Variants in ATP11B observed in about 807,000 individuals in gnomAD.
ATP11B encodes the protein ATPase phospholipid transporting 11B (putative).
ATP11B carries 81 observed loss-of-function variants against 157.8 expected under a neutral mutation model. The observed-to-expected ratio is 0.51, with a 90% CI of 0.43 to 0.62. ATP11B has a LOEUF of 0.62. ATP11B is among the 20% of genes least tolerant of loss of function. ATP11B has a pLI of 0.00. For missense variants in ATP11B, 1,165 were observed against 1,402.2 expected, an observed-to-expected ratio of 0.83 and a Z score of 2.70; for synonymous variants, 451 against 469.4, an observed-to-expected ratio of 0.96 and a Z score of 0.51.
rs768063345 is a variant in ATP11B at position 182,880,999 on chromosome 3, A to T, written c.2509+18A>T. Reference sequence around the variant, plus strand: ...TGGCATAGGTGATTGATTCTTCCTGAAAAGTTTTTCCTGAACTTTTAAAGT... The same window carrying T: ...TGGCATAGGTGATTGATTCTTCCTGTAAAGTTTTTCCTGAACTTTTAAAGT... On this transcript the variant is annotated intron_variant, in intron 21 of 29. Transcript: ENST00000323116. 1 of 1,552,782 alleles carries T rather than the reference A, an allele frequency of 6.4e-7. No individual in the cohort carries two copies. Among genetic ancestry groups the T allele is most frequent in the Non-Finnish European group, 8.7e-7 (1 of 1,151,510 alleles).
chr3:182,874,069 C>G, intron 19 of ATP11B, 54 bp downstream of exon 19: 2 of 1,511,780 alleles, frequency 1.3e-6, no homozygotes, highest in Non-Finnish European at 1.8e-6. Flanking sequence ...AACTATGGTT[C>G]CCTGGGCCCG....
chr3:182,840,330 G>A (rs1293716252), intron 7 of ATP11B, among the ~76,000 whole-genome samples: 2 of 152,020 alleles, frequency 1.3e-5, no homozygotes, highest in Non-Finnish European at 2.9e-5. Context: ...CTTCCTGTTA[G>A]AGTGCCCCAG....
At chr3:182,836,221 A>T in intron 5 of ATP11B, 79 bp downstream of exon 5, 1 of 1,559,642 alleles carries the variant, frequency 6.4e-7, no homozygotes, top group Non-Finnish European at 8.8e-7. Context: ...ATTACGTTTT[A>T]GTTAAAAGCC....
In ATP11B at chr3:182,886,059, G is replaced by A. The variant is rs765549981; in HGVS notation, c.2715+49G>A. ...TTGTGTTTTGTCCTTTTAGAGTAAC[G>A]TATGTATGTTCAGATTTTGATAGAC... On this transcript the variant is annotated intron_variant, in intron 23 of 29. Transcript: ENST00000323116. 16 of 1,239,042 alleles carry A rather than the reference G, an allele frequency of 1.3e-5. No individual in the cohort carries two copies. In the East Asian group the frequency reaches 3.1e-4, roughly 24 times the overall value. The allele number at this position is 1,239,042 out of a possible 1,614,324, so 76.8% of individuals were successfully genotyped here. A position where few individuals can be genotyped will look rare whatever the true frequency, so the allele number is the denominator to read the frequency against.
chr3:182,835,960 G>A, intron 4 of ATP11B, 75 bp from the exon 5 acceptor site: 1 of 1,299,344 alleles, frequency 7.7e-7, no homozygotes, highest in East Asian at 2.5e-5. Flanking sequence ...AAGTTTTTGA[G>A]TTTTTTTTCT....
At chr3:182,846,609 G>T (rs1209581502) in intron 9 of ATP11B, among the ~76,000 whole-genome samples, 1 of 152,102 alleles carries the variant, frequency 6.6e-6, no homozygotes, top group East Asian at 1.9e-4. Context: ...GCAAAATATG[G>T]TATATCCATA....
intron 12 of ATP11B, among the ~76,000 whole-genome samples, chr3:182,864,230 T>G (rs1346078879): frequency 6.6e-6 from 1 of 152,142 alleles, no homozygotes; most frequent in Non-Finnish European, 1.5e-5. Context: ...CCTCTTGTTT[T>G]CCAATCATGT....
intron 2 of ATP11B, among the ~76,000 whole-genome samples, chr3:182,821,150 C>A (rs1218204580): frequency 6.6e-6 from 1 of 152,054 alleles, no homozygotes; most frequent in Non-Finnish European, 1.5e-5. Flanking sequence ...CGCTGTGTCA[C>A]CCAGGCTGGA....
rs1241945306 is a variant in ATP11B at position 182,868,926 on chromosome 3, A to G, written c.1689-152A>G. ...TCTTCTATTTCTTCCCTGTTTTGTTATTAATGGCATGTAACCTATCATCAT... is the reference window on the plus strand; with the variant it reads ...TCTTCTATTTCTTCCCTGTTTTGTTGTTAATGGCATGTAACCTATCATCAT... On this transcript the variant is annotated intron_variant, in intron 15 of 29. Coordinates refer to ENST00000323116, the MANE Select transcript of ATP11B (RefSeq NM_014616.3). 7.2e-6 allele frequency: 4 copies of G among 552,118 alleles called. No homozygotes were observed. In the African/African-American group the frequency reaches 7.8e-5, roughly 11 times the overall value. 34.2% of individuals were successfully genotyped at this position (552,118 alleles called of 1,614,324 possible).
rs749720577 is a variant in ATP11B, at chr3:182,845,468, C to T, written c.715C>T (p.Pro239Ser). Residue 239 changes from proline (P) to serine (S), a missense_variant, in exon 9 of 30, where the codon CCG becomes TCG. Coordinates refer to ENST00000323116, the MANE Select transcript of ATP11B (RefSeq NM_014616.3). ...QMEEIVRPLG[P>S]ESLLLRGARL... Reference sequence around the variant, plus strand: ...TTCTTTTTTTCCTAGACCTCTGGGGCCGGAGAGTCTCCTGCTTCGTGGAGC... The same window carrying T: ...TTCTTTTTTTCCTAGACCTCTGGGGTCGGAGAGTCTCCTGCTTCGTGGAGC... 1.6e-5 allele frequency: 26 copies of T among 1,598,832 alleles called. No homozygotes were observed. Among genetic ancestry groups the T allele is most frequent in the East Asian group, 4.5e-5 (2 of 44,218 alleles).
Position 182,879,567 on chromosome 3 carries a change from A to T in ATP11B, c.2324A>T (p.Glu775Val). The change falls in exon 20 of 30, where the codon GAG becomes GTG. Residue 775 changes from glutamate to valine, a missense_variant. Around this residue, in one of 4 missense-constraint regions of ATP11B, gnomAD observed 737 missense variants for 930.5 expected, o/e 0.79. Coordinates refer to ENST00000323116, the MANE Select transcript of ATP11B (RefSeq NM_014616.3). Reference protein sequence around the residue: ...DGTSLSLALREHEKLFMEVCR... With the variant: ...DGTSLSLALRVHEKLFMEVCR... ...ACCAGCCTATCTCTTGCACTCAGGG[A>T]GCATGAAAAACTATTTATGGAAGTT... 1 of 1,614,110 alleles carries T rather than the reference A, an allele frequency of 6.2e-7. No individual in the cohort carries two copies. Among genetic ancestry groups the T allele is most frequent in the Non-Finnish European group, 8.5e-7 (1 of 1,179,980 alleles).
At chr3:182,837,711 T>C (rs1718663088) in intron 7 of ATP11B, among the ~76,000 whole-genome samples, 1 of 151,490 alleles carries the variant, frequency 6.6e-6, no homozygotes, top group South Asian at 2.1e-4. Flanking sequence ...TTATTCATCT[T>C]ATTATCTATC....
intron 14 of ATP11B, among the ~76,000 whole-genome samples, chr3:182,866,990 G>A (rs1203314182): frequency 6.6e-6 from 1 of 151,020 alleles, no homozygotes; most frequent in Admixed American, 6.6e-5. Context: ...GAGTGCAGTG[G>A]TGTGATCTCA....
intron 15 of ATP11B, among the ~76,000 whole-genome samples, chr3:182,867,743 C>T (rs771326130): frequency 1.3e-5 from 2 of 152,200 alleles, no homozygotes; most frequent in Middle Eastern, 3.4e-3. Context: ...GCCACTATGC[C>T]TGGCTAATTT....
intron 10 of ATP11B, among the ~76,000 whole-genome samples, chr3:182,856,092 C>T (rs1720376967): frequency 6.6e-6 from 1 of 152,154 alleles, no homozygotes; most frequent in East Asian, 1.9e-4. Context: ...ATGTACATAG[C>T]CACTTTATTT....
chr3:182,872,043 C>T (rs564400073), intron 17 of ATP11B, among the ~76,000 whole-genome samples: 1 of 152,300 alleles, frequency 6.6e-6, no homozygotes, highest in African/African-American at 2.4e-5. Context: ...TCTCGATCTC[C>T]TGACCTCATG....
chr3:182,881,374 C>T (rs910193854), intron 21 of ATP11B, among the ~76,000 whole-genome samples: 5 of 151,348 alleles, frequency 3.3e-5, no homozygotes, highest in Admixed American at 1.3e-4. Flanking sequence ...GCAGAGGTTG[C>T]AGTGAGCCGA....
chr3:182,869,416 A>G, intron 17 of ATP11B, 85 bp downstream of exon 17: 1 of 950,082 alleles, frequency 1.1e-6, no homozygotes, highest in Non-Finnish European at 1.5e-6. Context: ...AATTTATCAA[A>G]AATTGTGGAC....
At chr3:182,915,621 T>C (rs1470199236) in intron 29 of ATP11B, 46 of 969,368 alleles carry the variant, frequency 4.7e-5, no homozygotes, top group Non-Finnish European at 5.2e-5. Flanking sequence ...TAATGATTTT[T>C]TTAAAACTAG....
Sources: allele counts gnomAD v4.1 joint callset (sites outside exome capture counted in the v4.1 genomes callset), GRCh38; gene constraint gnomAD v4.1.1; regional missense constraint gnomAD v4.1.1; transcripts MANE v1.5; gene names NCBI Gene and HGNC (gene_info 2026-07-23, HGNC 2026-07-21).